Variants in NBAS observed in about 807,000 individuals in gnomAD.
NBAS encodes the protein NBAS subunit of NRZ tethering complex.
In NBAS, 219 loss-of-function variants were observed where a neutral mutation model predicts 302.5. The observed-to-expected ratio is 0.72, with a 90% CI of 0.65 to 0.81. The LOEUF is 0.81. NBAS is among the 30% of genes least tolerant of loss of function. The probability of loss-of-function intolerance (pLI) is 0.00; values close to 1 mark genes in which losing one functional copy is unlikely to be tolerated. For missense variants in NBAS, 2,932 were observed against 2,841.6 expected, an observed-to-expected ratio of 1.03 and a Z score of -0.72; for synonymous variants, 1,118 against 1,021.6, an observed-to-expected ratio of 1.09 and a Z score of -1.80.
chr2:15,525,305 G>A (rs1460321791), intron 9 of NBAS, among the ~76,000 whole-genome samples: 2 of 152,156 alleles, frequency 1.3e-5, no homozygotes, highest in Non-Finnish European at 2.9e-5. Context: ...ATGCTACACA[G>A]TAGTCTATAC....
the NBAS span, among the ~76,000 whole-genome samples, chr2:14,904,008 C>G: frequency 2.8e-4 from 42 of 152,300 alleles, 1 homozygote; most frequent in African/African-American, 8.7e-4. Context: ...TTAGGTTGGG[C>G]GAGGCGCTCC....
chr2:14,914,184 C>A, the NBAS span, among the ~76,000 whole-genome samples: 1 of 152,144 alleles, frequency 6.6e-6, no homozygotes, highest in African/African-American at 2.4e-5. Flanking sequence ...CCCACTGGGT[C>A]CCTCCCACTA....
the NBAS span, among the ~76,000 whole-genome samples, chr2:15,093,112 C>G: frequency 2.6e-5 from 4 of 152,048 alleles, no homozygotes; most frequent in Non-Finnish European, 5.9e-5. Context: ...AGACGTGAAA[C>G]TAAAATAAAA....
the NBAS span, among the ~76,000 whole-genome samples, chr2:14,832,030 C>G: frequency 6.6e-6 from 1 of 152,134 alleles, no homozygotes; most frequent in South Asian, 2.1e-4. Flanking sequence ...TGCTAGTGAT[C>G]GAGTAGTCTG....
chr2:15,374,120 A>G (rs1251701926), intron 31 of NBAS, among the ~76,000 whole-genome samples: 1 of 152,230 alleles, frequency 6.6e-6, no homozygotes, highest in Non-Finnish European at 1.5e-5. Flanking sequence ...TATCTCTAGT[A>G]ATTAAATTCT....
At chr2:14,830,530 A>G in the NBAS span, among the ~76,000 whole-genome samples, 149 of 152,292 alleles carry the variant, frequency 9.8e-4, no homozygotes, top group Non-Finnish European at 1.9e-3. Context: ...TATCCATCAA[A>G]AGTCCTAATA....
At chr2:15,220,755 T>G (rs969565926) in intron 47 of NBAS, among the ~76,000 whole-genome samples, 2 of 152,220 alleles carry the variant, frequency 1.3e-5, no homozygotes, top group African/African-American at 4.8e-5. Flanking sequence ...CAGGTTTTGC[T>G]GTAGCCAGAT....
At chr2:15,107,926 G>A in the NBAS span, among the ~76,000 whole-genome samples, 1 of 152,008 alleles carries the variant, frequency 6.6e-6, no homozygotes, top group African/African-American at 2.4e-5. Context: ...CGTTTCCTAT[G>A]GAATCATATA....
the NBAS span, among the ~76,000 whole-genome samples, chr2:14,846,912 GA>G: frequency 6.6e-6 from 1 of 151,550 alleles, no homozygotes. Context: ...AAGAGAAAGA[GA>G]AAAAAACAAC....
intron 21 of NBAS, among the ~76,000 whole-genome samples, chr2:15,428,769 C>A (rs529594388): frequency 3.3e-5 from 5 of 152,010 alleles, no homozygotes; most frequent in Non-Finnish European, 7.4e-5. Context: ...TAAGGCCAGG[C>A]GCGGTGGCTC....
intron 47 of NBAS, among the ~76,000 whole-genome samples, chr2:15,221,475 A>G (rs1020696923): frequency 2.6e-5 from 4 of 152,240 alleles, no homozygotes; most frequent in Non-Finnish European, 4.4e-5. Flanking sequence ...TTTGTGCTTA[A>G]TGATACAGAG....
intron 40 of NBAS, among the ~76,000 whole-genome samples, chr2:15,295,213 G>T (rs1011745246): frequency 1.3e-5 from 2 of 152,208 alleles, no homozygotes; most frequent in Admixed American, 6.5e-5. Flanking sequence ...CCCAAGGCTA[G>T]GTGAAGAGAA....
At chr2:15,284,588 GA>G (rs1215648095) in intron 42 of NBAS, among the ~76,000 whole-genome samples, 1 of 152,076 alleles carries the variant, frequency 6.6e-6, no homozygotes, top group Non-Finnish European at 1.5e-5. Context: ...CTTCACAGGG[GA>G]AAAAATTACT....
At chr2:15,054,213 C>T in the NBAS span, among the ~76,000 whole-genome samples, 1 of 152,206 alleles carries the variant, frequency 6.6e-6, no homozygotes, top group Non-Finnish European at 1.5e-5. Context: ...ATAGGTATTA[C>T]TACCCATTTC....
chr2:14,843,126 C>T, the NBAS span, among the ~76,000 whole-genome samples: 1 of 152,048 alleles, frequency 6.6e-6, no homozygotes, highest in Non-Finnish European at 1.5e-5. Flanking sequence ...ATCCTTTTAT[C>T]ATAAAAACCC....
At chr2:15,330,458 A>C in intron 36 of NBAS, 140 bp downstream of exon 36, 1 of 1,074,164 alleles carries the variant, frequency 9.3e-7, no homozygotes, top group East Asian at 2.6e-5. Flanking sequence ...TCCCTATCTG[A>C]TGAGAGGCCT....
intron 21 of NBAS, among the ~76,000 whole-genome samples, chr2:15,430,161 A>C (rs897806483): frequency 3.3e-5 from 5 of 152,220 alleles, no homozygotes; most frequent in African/African-American, 1.2e-4. Flanking sequence ...TAGATGCAAG[A>C]GTTATTAGGA....
At chr2:15,439,653 C>T (rs959856375) in intron 21 of NBAS, among the ~76,000 whole-genome samples, 3 of 152,002 alleles carry the variant, frequency 2.0e-5, no homozygotes, top group African/African-American at 2.4e-5. Context: ...AGACAGTGGG[C>T]GCAGGTCAGT....
At chr2:15,300,149 A>T (rs552830206) in intron 40 of NBAS, among the ~76,000 whole-genome samples, 1 of 152,326 alleles carries the variant, frequency 6.6e-6, no homozygotes, top group South Asian at 2.1e-4. Context: ...CATGAGAAAT[A>T]AGCCCACAAA....
Sources: allele counts gnomAD v4.1 joint callset (sites outside exome capture counted in the v4.1 genomes callset), GRCh38; gene constraint gnomAD v4.1.1; transcripts MANE v1.5; gene names NCBI Gene and HGNC (gene_info 2026-07-23, HGNC 2026-07-21).